PIGB: variants seen among roughly 807,000 people sequenced by gnomAD.
PIGB encodes GPI alpha-1,2-mannosyltransferase 3.
Under a neutral mutation model 68.4 loss-of-function variants are expected in PIGB, and 58 were observed. That is an observed-to-expected ratio of 0.85 (90% CI 0.69 to 1.06). The LOEUF is 1.06. Ranked by LOEUF, PIGB falls within the 50% of genes least tolerant of loss-of-function variation. The pLI is 0.00. For synonymous variants in PIGB, 219 were observed against 220.5 expected (o/e 0.99, Z 0.06); for missense variants, 634 against 655.8 (o/e 0.97, Z 0.36).
chr15:55,320,260 T>G lies in PIGB; in HGVS notation c.164-15T>G, dbSNP rs774082652. 1.2e-6 allele frequency: 2 copies of G among 1,609,616 alleles called. No homozygotes were observed. The highest frequency in any genetic ancestry group is 2.2e-5 in the South Asian group (2 of 90,572). ...ACTTTTGTGCCACTATTACCTGTTT[T>G]GTTCTGTTTTTCAGATCTTCTTGGA... is the stretch of plus-strand genomic sequence containing the variant. On this transcript the variant is annotated splice_polypyrimidine_tract_variant and intron_variant, in intron 1 of 11. Transcript: ENST00000164305.
chr15:55,334,973 C>A (rs2055501883), intron 6 of PIGB, among the ~76,000 whole-genome samples: 1 of 152,224 alleles, frequency 6.6e-6, no homozygotes. Context: ...CCCACCTTGG[C>A]CTCCCAAAGT....
chr15:55,329,972 A>C, intron 5 of PIGB, 118 bp downstream of exon 5: 1 of 627,896 alleles, frequency 1.6e-6, no homozygotes, highest in Non-Finnish European at 2.7e-6. Flanking sequence ...GAGAACCACA[A>C]ATTTTCAGTT....
At chr15:55,350,221 T>C (rs2055892009) in intron 9 of PIGB, 1 of 153,432 alleles carries the variant, frequency 6.5e-6, no homozygotes. Flanking sequence ...CAATGGCTTA[T>C]TTTCCTAAGA....
At position 55,327,665 on chromosome 15, in the gene PIGB, G is replaced by GCCAGTTATTT. The variant is rs751777760; in HGVS notation, c.522+32_522+41dup. On this transcript the variant is annotated intron_variant, in intron 4 of 11. Coordinates refer to ENST00000164305, the MANE Select transcript of PIGB (RefSeq NM_004855.5). The stretch of plus-strand genomic sequence containing the variant: ...GTCCTAAATACTTTAGAAGCTGTAT[G>GCCAGTTATTT]CCAGTTATTTCGTTCCTATGGGTAT... 19 of 1,319,780 alleles carry GCCAGTTATTT rather than the reference G, an allele frequency of 1.4e-5. No homozygotes were observed. In the South Asian group the frequency reaches 2.2e-4, roughly 15 times the overall value. The allele number at this position is 1,319,780 out of a possible 1,614,324, so 81.8% of individuals were successfully genotyped here. A position where few individuals can be genotyped will look rare whatever the true frequency, so the allele number is the denominator to read the frequency against.
At chr15:55,354,075 G>T (rs1026373853) in intron 10 of PIGB, among the ~76,000 whole-genome samples, 6 of 151,452 alleles carry the variant, frequency 4.0e-5, no homozygotes, top group African/African-American at 1.5e-4. Flanking sequence ...ACTTTGGAAG[G>T]CTGAGGCGGG....
chr15:55,326,345 C>G (rs2055285372), intron 3 of PIGB, among the ~76,000 whole-genome samples: 1 of 151,978 alleles, frequency 6.6e-6, no homozygotes, highest in Non-Finnish European at 1.5e-5. Flanking sequence ...TCAGGCAGAC[C>G]TGGGTTTATA....
At chr15:55,334,155 T>A in intron 6 of PIGB, 148 bp downstream of exon 6, 1 of 478,852 alleles carries the variant, frequency 2.1e-6, no homozygotes, top group South Asian at 6.7e-5. Flanking sequence ...GCAAAACTTA[T>A]ATTTTTTATT....
chr15:55,347,721 CTAAG>C (rs2055826340), intron 9 of PIGB, among the ~76,000 whole-genome samples: 2 of 152,260 alleles, frequency 1.3e-5, no homozygotes, highest in South Asian at 2.1e-4. Flanking sequence ...TATTACTTCT[CTAAG>C]TAATATGGAG....
intron 6 of PIGB, among the ~76,000 whole-genome samples, chr15:55,335,822 G>C (rs1247941984): frequency 1.3e-5 from 2 of 152,166 alleles, no homozygotes; most frequent in Non-Finnish European, 2.9e-5. Flanking sequence ...AAAAGAGAGT[G>C]AGTTTGGGAG....
At chr15:55,344,951 A>G (rs2055758851) in intron 9 of PIGB, among the ~76,000 whole-genome samples, 1 of 131,868 alleles carries the variant, frequency 7.6e-6, no homozygotes. Flanking sequence ...GCTGGAGTGC[A>G]GTGGCGCAAT....
chr15:55,354,795 T>A lies in PIGB; in HGVS notation c.1338-3T>A, dbSNP rs372719891. On this transcript the variant is annotated splice_region_variant and splice_polypyrimidine_tract_variant and intron_variant, in intron 10 of 11. Coordinates refer to ENST00000164305, the MANE Select transcript of PIGB (RefSeq NM_004855.5). ...TTTATTATGGTAACTTTTCTTTTCA[T>A]AGCCATGTTCACTGCCCACTTCCCA... is the stretch of plus-strand genomic sequence containing the variant. 9.7e-5 allele frequency: 154 copies of A among 1,588,152 alleles called. No homozygotes were observed. The African/African-American group carries it at 2.0e-3, about 21-fold the overall frequency.
chr15:55,329,927 A>T, intron 5 of PIGB, 73 bp downstream of exon 5: 1 of 1,111,706 alleles, frequency 9.0e-7, no homozygotes, highest in South Asian at 1.5e-5. Context: ...AACATATTGT[A>T]ATGTCTAGTA....
chr15:55,327,006 C>G (rs974654913), intron 3 of PIGB, among the ~76,000 whole-genome samples: 1 of 151,960 alleles, frequency 6.6e-6, no homozygotes, highest in African/African-American at 2.4e-5. Context: ...CAGTGCATGT[C>G]TGAAGTCCTA....
At chr15:55,338,128 C>T (rs1051545643) in intron 6 of PIGB, among the ~76,000 whole-genome samples, 5 of 152,014 alleles carry the variant, frequency 3.3e-5, no homozygotes, top group African/African-American at 1.2e-4. Context: ...CAGTTGTGTT[C>T]ATGTAGTGAT....
chr15:55,344,982 G>A (rs781512022), intron 9 of PIGB, among the ~76,000 whole-genome samples: 11 of 133,232 alleles, frequency 8.3e-5, no homozygotes, highest in Non-Finnish European at 1.5e-4. Flanking sequence ...TACAACCTCC[G>A]CCTCCTGGGT....
chr15:55,328,743 G>A (rs527418529), intron 4 of PIGB, among the ~76,000 whole-genome samples: 2 of 152,248 alleles, frequency 1.3e-5, no homozygotes, highest in South Asian at 2.1e-4. Flanking sequence ...TGAGGTGGGC[G>A]GATCACAAGG....
intron 5 of PIGB, among the ~76,000 whole-genome samples, chr15:55,332,619 C>T (rs1358169929): frequency 6.6e-6 from 1 of 150,552 alleles, no homozygotes; most frequent in African/African-American, 2.4e-5. Context: ...GTGATCCACC[C>T]ACCTCGGCCT....
chr15:55,324,763 A>T, intron 3 of PIGB: 1 of 976,864 alleles, frequency 1.0e-6, no homozygotes, highest in Non-Finnish European at 1.2e-6. Flanking sequence ...TTGACTTTTC[A>T]TATGAACTGC....
intron 4 of PIGB, 120 bp downstream of exon 4, chr15:55,327,755 G>T: frequency 1.5e-6 from 1 of 681,824 alleles, no homozygotes; most frequent in South Asian, 1.7e-5. Context: ...CTTTATAGAG[G>T]TACTTCCATA....
Sources: allele counts gnomAD v4.1 joint callset (sites outside exome capture counted in the v4.1 genomes callset), GRCh38; gene constraint gnomAD v4.1.1; transcripts MANE v1.5; gene names NCBI Gene and HGNC (gene_info 2026-07-23, HGNC 2026-07-21).